Variants in NAA15 observed in about 807,000 individuals in gnomAD.
The protein encoded by NAA15 is N-terminal acetyltransferase.
Under a neutral mutation model 114.0 loss-of-function variants are expected in NAA15, and 34 were observed. That is an observed-to-expected ratio of 0.30 (90% CI 0.23 to 0.40). NAA15 has a LOEUF of 0.40. Ranked by LOEUF, NAA15 falls within the 10% of genes least tolerant of loss-of-function variation. NAA15 has a pLI of 1.00. For synonymous variants in NAA15, 340 were observed against 338.0 expected (o/e 1.01, Z -0.06); for missense variants, 658 against 1,004.5 (o/e 0.66, Z 4.66).
At position 139,301,699 on chromosome 4, in the gene NAA15, C is replaced by T; in HGVS notation, c.-79C>T. The T allele has an allele frequency of 6.7e-7, 1 of 1,493,132 alleles. No homozygotes were observed. The allele number at this position is 1,493,132 out of a possible 1,614,324, so 92.5% of individuals were successfully genotyped here. A position where few individuals can be genotyped will look rare whatever the true frequency, so the allele number is the denominator to read the frequency against. On this transcript the variant is annotated 5_prime_UTR_variant, in exon 1 of 20. The change creates a new upstream start codon in the 5' untranslated region. Coordinates refer to ENST00000296543, the MANE Select transcript of NAA15 (RefSeq NM_057175.5). ...GAGATATTCAAGGCTGAAGCAGCTA[C>T]GGAACGGCAGCGGCGGCGGTCGGAC... is the stretch of plus-strand genomic sequence containing the variant.
chr4:139,361,188 C>T lies in NAA15; in HGVS notation c.1540-536C>T, dbSNP rs75859331. Among the ~76,000 whole-genome samples the T allele has an allele frequency of 1.0e-2, 1,517 of 152,098 alleles. 16 individuals carry two copies. Among genetic ancestry groups the T allele is most frequent in the Middle Eastern group, 0.017 (5 of 294 alleles). ...ACTAATTTCACATTTGCAATATTGT[C>T]AAGTATAGAATACCAAAGCTTAGTT... is the stretch of plus-strand genomic sequence containing the variant. On this transcript the variant is annotated intron_variant, in intron 13 of 19. Coordinates refer to ENST00000296543, the MANE Select transcript of NAA15 (RefSeq NM_057175.5).
rs564246276 is a variant in NAA15 at position 139,365,623 on chromosome 4, A to C, written c.1753+3686A>C. On this transcript the variant is annotated intron_variant, in intron 14 of 19. Transcript: ENST00000296543. ...GAGGCCAAGGCAGGTGGATCGTTTG[A>C]GTCCAGGAGTCCGAGACCAGCCTGG... 1.1e-4 allele frequency among the ~76,000 whole-genome samples: 16 copies of C among 152,224 alleles called. 1 individual carries two copies. The East Asian group carries it at 3.1e-3, about 29-fold the overall frequency.
chr4:139,378,591 T>C (rs1166137885), intron 16 of NAA15, among the ~76,000 whole-genome samples, 165 bp from the exon 17 acceptor site: 1 of 152,228 alleles, frequency 6.6e-6, no homozygotes, highest in Non-Finnish European at 1.5e-5. Context: ...TGAAAAATAT[T>C]AACTAATGTT....
chr4:139,307,356 C>T (rs1746058037), intron 1 of NAA15, among the ~76,000 whole-genome samples: 2 of 152,216 alleles, frequency 1.3e-5, no homozygotes, highest in African/African-American at 4.8e-5. Flanking sequence ...GCAGCCTCCA[C>T]CTCCCGGGCT....
chr4:139,328,237 C>T (rs1302874612), intron 1 of NAA15, among the ~76,000 whole-genome samples: 1 of 152,110 alleles, frequency 6.6e-6, no homozygotes, highest in South Asian at 2.1e-4. Flanking sequence ...GATGGAGTCT[C>T]GCTCTGTTGC....
At chr4:139,314,996 T>G (rs796473953) in intron 1 of NAA15, among the ~76,000 whole-genome samples, 3,435 of 57,246 alleles carry the variant, frequency 0.06, 261 homozygotes, top group Admixed American at 0.11. Flanking sequence ...TTCAGTTCAG[T>G]TCAGTTTAGT....
intron 1 of NAA15, among the ~76,000 whole-genome samples, chr4:139,308,958 G>A (rs1241480319): frequency 6.6e-6 from 1 of 152,036 alleles, no homozygotes; most frequent in African/African-American, 2.4e-5. Context: ...TCCCTTAAAA[G>A]TATACCAGAA....
chr4:139,361,903 T>C lies in NAA15; in HGVS notation c.1719T>C (p.Leu573=). 1 of 1,613,544 alleles carries C rather than the reference T, an allele frequency of 6.2e-7. No individual in the cohort carries two copies. Among genetic ancestry groups the C allele is most frequent in the Non-Finnish European group, 8.5e-7 (1 of 1,179,692 alleles). ...EIYLKLHDNP[L]TDENKEHEAD... is the part of the protein sequence containing the mutation. ...ATTTGAAGCTTCATGACAACCCCCT[T>C]ACAGATGAGAATAAAGAACACGAAG... is the stretch of plus-strand genomic sequence containing the variant. The change falls in exon 14 of 20, where the codon CTT becomes CTC. Residue 573 remains leucine, a synonymous_variant. Coordinates refer to ENST00000296543, the MANE Select transcript of NAA15 (RefSeq NM_057175.5).
chr4:139,323,730 A>G (rs1327837432), intron 1 of NAA15, among the ~76,000 whole-genome samples: 2 of 152,158 alleles, frequency 1.3e-5, no homozygotes, highest in Non-Finnish European at 2.9e-5. Context: ...CTGAAACGGT[A>G]GTCCTGTATT....
intron 1 of NAA15, among the ~76,000 whole-genome samples, chr4:139,319,798 G>A (rs761818457): frequency 6.6e-6 from 1 of 152,198 alleles, no homozygotes; most frequent in Non-Finnish European, 1.5e-5. Flanking sequence ...TTTCAGCTCA[G>A]CTGTGGTGCT....
At chr4:139,335,454 C>T (rs868272397) in intron 2 of NAA15, among the ~76,000 whole-genome samples, 1 of 152,040 alleles carries the variant, frequency 6.6e-6, no homozygotes. Context: ...CAGCTTCCAC[C>T]TCCTGGGTTC....
intron 9 of NAA15, among the ~76,000 whole-genome samples, chr4:139,353,156 A>T (rs1035135031): frequency 5.3e-5 from 8 of 152,196 alleles, no homozygotes; most frequent in African/African-American, 1.7e-4. Context: ...TGGAACAGTC[A>T]TTTTCATTCT....
At chr4:139,315,046 G>GTTTAGTTTAGTTTAGT (rs1560953006) in intron 1 of NAA15, among the ~76,000 whole-genome samples, 2 of 92,646 alleles carry the variant, frequency 2.2e-5, no homozygotes, top group African/African-American at 7.7e-5. Context: ...GTTAGGTTAG[G>GTTTAGTTTAGTTTAGT]TTAGGTTAGT....
chr4:139,304,641 AT>A (rs1310114275), intron 1 of NAA15, among the ~76,000 whole-genome samples: 32 of 152,308 alleles, frequency 2.1e-4, no homozygotes, highest in Admixed American at 3.9e-4. Flanking sequence ...AAAAATTTGT[AT>A]TTTTTATTGT....
intron 10 of NAA15, chr4:139,356,607 T>A (rs1747956916): frequency 2.0e-5 from 3 of 152,202 alleles, no homozygotes; most frequent in Admixed American, 2.0e-4. Context: ...CTATTATTTG[T>A]CCACTGAGCC....
intron 1 of NAA15, among the ~76,000 whole-genome samples, chr4:139,329,889 A>G (rs911868495): frequency 6.6e-6 from 1 of 151,962 alleles, no homozygotes; most frequent in African/African-American, 2.4e-5. Context: ...TTTGCTTGGG[A>G]TCCTTCTTCC....
intron 6 of NAA15, among the ~76,000 whole-genome samples, chr4:139,346,709 G>C (rs1747595449): frequency 6.6e-6 from 1 of 152,126 alleles, no homozygotes; most frequent in Admixed American, 6.6e-5. Context: ...ACCATGCCTG[G>C]CTAATTTTGT....
chr4:139,370,278 G>C lies in NAA15; in HGVS notation c.1821G>C (p.Gln607His). ...AAAGAAGAGCTCAAAAGAAAGCCCAGATAGAAGAAGAGAAAAAAAATGCAG... is the reference window on the plus strand; with the variant it reads ...AAAGAAGAGCTCAAAAGAAAGCCCACATAGAAGAAGAGAAAAAAAATGCAG... ...NKQRRAQKKA[Q>H]IEEEKKNAEK... The change falls in exon 15 of 20, where the codon CAG becomes CAC. Residue 607 changes from glutamine to histidine, a missense_variant. By Grantham distance (24) the Gln-to-His change is conservative. Around this residue, in one of 6 missense-constraint regions of NAA15, gnomAD observed 275 missense variants for 371.1 expected, o/e 0.74. Transcript: ENST00000296543. The C allele has an allele frequency of 1.3e-6, 2 of 1,587,976 alleles. No homozygotes were observed. Among genetic ancestry groups the C allele is most frequent in the Non-Finnish European group, 1.7e-6 (2 of 1,168,272 alleles).
At chr4:139,321,298 C>T (rs1031365180) in intron 1 of NAA15, among the ~76,000 whole-genome samples, 1 of 151,756 alleles carries the variant, frequency 6.6e-6, no homozygotes, top group Admixed American at 6.6e-5. Flanking sequence ...TTGAGATTTT[C>T]TGTTTCTTCT....
Sources: gnomAD v4.1 joint callset for allele counts (sites outside exome capture counted in the v4.1 genomes callset) on GRCh38, gnomAD v4.1.1 for gene constraint, gnomAD v4.1.1 regional missense constraint, MANE v1.5 for transcripts, NCBI Gene and HGNC (gene_info 2026-07-23, HGNC 2026-07-21) for gene names.